The following MCTP1 variants were observed in gnomAD, a reference collection of about 807,000 sequenced individuals.
MCTP1 encodes the protein multiple C2 and transmembrane domain containing 1, also known as multiple C2 and transmembrane domain-containing protein 1.
A neutral mutation model predicts 120.6 loss-of-function variants in MCTP1; 69 were observed. The ratio of observed to expected loss-of-function variants is 0.57; its 90% CI spans 0.47 to 0.70. The LOEUF (loss-of-function observed/expected upper bound fraction) is 0.70. Ranked by LOEUF, MCTP1 falls within the 30% of genes least tolerant of loss-of-function variation. The pLI is 0.00. For missense variants in MCTP1, 1,203 were observed against 1,248.8 expected, an observed-to-expected ratio of 0.96 and a Z score of 0.55; for synonymous variants, 529 against 493.1, an observed-to-expected ratio of 1.07 and a Z score of -0.96.
At chr5:95,258,110 G>A (rs905866028) in intron 1 of MCTP1, among the ~76,000 whole-genome samples, 4 of 152,184 alleles carry the variant, frequency 2.6e-5, no homozygotes, top group Admixed American at 1.3e-4. Context: ...GCTGTGCACA[G>A]TGACTTCCCT....
intron 12 of MCTP1, among the ~76,000 whole-genome samples, chr5:94,888,099 G>A (rs1801738922): frequency 6.6e-6 from 1 of 152,072 alleles, no homozygotes; most frequent in African/African-American, 2.4e-5. Flanking sequence ...CCTATTTATT[G>A]TCTAACTTGA....
intron 1 of MCTP1, among the ~76,000 whole-genome samples, chr5:95,132,176 T>A (rs535295970): frequency 4.8e-4 from 73 of 152,328 alleles, no homozygotes; most frequent in African/African-American, 1.7e-3. Context: ...AAATCTCTCA[T>A]TACAGTCACC....
intron 1 of MCTP1, among the ~76,000 whole-genome samples, chr5:95,137,107 C>A (rs1248874060): frequency 3.3e-5 from 5 of 152,186 alleles, no homozygotes; most frequent in African/African-American, 1.2e-4. Context: ...ATGCCCCCTG[C>A]TTACCTTCAG....
At chr5:94,719,128 A>T (rs1049238830) in intron 19 of MCTP1, among the ~76,000 whole-genome samples, 1 of 152,258 alleles carries the variant, frequency 6.6e-6, no homozygotes, top group African/African-American at 2.4e-5. Flanking sequence ...CATGCCAGTC[A>T]GAATGGCTAT....
At chr5:95,270,309 G>A (rs145206736) in intron 1 of MCTP1, among the ~76,000 whole-genome samples, 1 of 152,238 alleles carries the variant, frequency 6.6e-6, no homozygotes, top group East Asian at 1.9e-4. Flanking sequence ...GTATAACTTT[G>A]GGCAAGTCAG....
chr5:95,122,476 TTA>T (rs1402658417), intron 1 of MCTP1, among the ~76,000 whole-genome samples: 2 of 152,114 alleles, frequency 1.3e-5, no homozygotes, highest in African/African-American at 4.8e-5. Flanking sequence ...TTAAAATGGC[TTA>T]TATCCAAAAG....
At chr5:95,278,497 G>A (rs76483006) in intron 1 of MCTP1, among the ~76,000 whole-genome samples, 2,062 of 152,036 alleles carry the variant, frequency 0.014, 48 homozygotes, top group African/African-American at 0.046. Context: ...TATCTACTTC[G>A]TTCACATTAA....
chr5:94,867,418 T>TG (rs1339396435), intron 17 of MCTP1: 1 of 1,144,530 alleles, frequency 8.7e-7, no homozygotes, highest in Non-Finnish European at 1.3e-6. Context: ...ACTAAACAGA[T>TG]GTGCATACAC....
Position 95,284,210 on chromosome 5 carries a change from G to T in MCTP1, c.366C>A (p.Arg122=). The change falls in exon 1 of 23, where the codon CGC becomes CGA. Residue 122 remains arginine (R), a synonymous_variant. Coordinates refer to ENST00000515393, the MANE Select transcript of MCTP1 (RefSeq NM_024717.7). This position sits in a 1 kb window ranked among gnomAD's most constrained non-coding sequence, Gnocchi z 5.2. ...GGAGCAAATGCTCGCGGATCCGGCG[G>T]CGTAGCGTGGACCCCTGCTCGGCTC... ...AGRAEQGSTL[R]RRIREHLLPA... 1 of 1,571,000 alleles carries T rather than the reference G, an allele frequency of 6.4e-7. No homozygotes were observed. The highest frequency in any genetic ancestry group is 8.6e-7 in the Non-Finnish European group (1 of 1,163,214).
Position 95,174,506 on chromosome 5 carries a change from T to C in MCTP1, c.720+109350A>G, listed in dbSNP as rs534316014. On this transcript the variant is annotated intron_variant, in intron 1 of 22. Coordinates refer to ENST00000515393, the MANE Select transcript of MCTP1 (RefSeq NM_024717.7). Reference sequence around the variant, plus strand: ...GAAATTATTTCTTAGCCCAGAATTATTAATCAAATGGTGAGGTAGAATAGA... The same window carrying C: ...GAAATTATTTCTTAGCCCAGAATTACTAATCAAATGGTGAGGTAGAATAGA... Among the ~76,000 whole-genome samples, 63 of 152,350 alleles carry C rather than the reference T, an allele frequency of 4.1e-4. No homozygotes were observed. The South Asian group carries it at 6.8e-3, about 17-fold the overall frequency.
At chr5:94,924,100 T>A in intron 6 of MCTP1, 79 bp from the exon 7 acceptor site, 1 of 866,228 alleles carries the variant, frequency 1.2e-6, no homozygotes, top group East Asian at 3.1e-5. Context: ...ACAAATAAAA[T>A]CAAAGCAAAT....
rs1356879870 is a variant in MCTP1, at chr5:94,705,933, T to G, written c.*1563A>C. On this transcript the variant is annotated 3_prime_UTR_variant, in exon 23 of 23. Coordinates refer to ENST00000515393, the MANE Select transcript of MCTP1 (RefSeq NM_024717.7). ...TCAAAGCCTTTCTGTAGAAAGGGAA[T>G]TTAATTGACATTCAAGCATAGTATA... 1 of 151,708 alleles carries G rather than the reference T, an allele frequency of 6.6e-6. No homozygotes were observed. The highest frequency in any genetic ancestry group is 2.1e-4 in the South Asian group (1 of 4,814). The allele number at this position is 151,708 out of a possible 1,614,324, so 9.4% of individuals were successfully genotyped here.
chr5:95,236,035 CAATT>C (rs1755509839), intron 1 of MCTP1, among the ~76,000 whole-genome samples: 1 of 152,132 alleles, frequency 6.6e-6, no homozygotes, highest in Admixed American at 6.5e-5. Context: ...AACAAGCTCC[CAATT>C]AATTCTAAAC....
At chr5:95,182,940 C>T (rs1042369120) in intron 1 of MCTP1, among the ~76,000 whole-genome samples, 7 of 150,800 alleles carry the variant, frequency 4.6e-5, no homozygotes, top group South Asian at 2.1e-4. Context: ...GCAGGAGAAT[C>T]GCTTGAACCT....
intron 1 of MCTP1, among the ~76,000 whole-genome samples, chr5:95,245,148 C>T (rs540239381): frequency 6.6e-6 from 1 of 152,114 alleles, no homozygotes; most frequent in Admixed American, 6.5e-5. Context: ...ACATCCACAC[C>T]AAAACCCCAT....
chr5:95,171,971 G>T (rs1166480361), intron 1 of MCTP1, among the ~76,000 whole-genome samples: 2 of 152,164 alleles, frequency 1.3e-5, no homozygotes, highest in African/African-American at 2.4e-5. Context: ...TTCCTTTAAA[G>T]GGGGAGAGGT....
chr5:94,860,523 A>T (rs1052460753), intron 17 of MCTP1, among the ~76,000 whole-genome samples: 1 of 151,794 alleles, frequency 6.6e-6, no homozygotes, highest in Non-Finnish European at 1.5e-5. Context: ...GGACTATAAT[A>T]TAGTTAATAA....
intron 1 of MCTP1, among the ~76,000 whole-genome samples, chr5:95,074,508 C>T (rs1258421316): frequency 6.6e-6 from 1 of 152,082 alleles, no homozygotes; most frequent in Non-Finnish European, 1.5e-5. Context: ...TACATTTTTG[C>T]TAATACAATA....
intron 17 of MCTP1, among the ~76,000 whole-genome samples, chr5:94,821,116 T>C (rs1034725112): frequency 6.6e-6 from 1 of 152,102 alleles, no homozygotes; most frequent in Non-Finnish European, 1.5e-5. Context: ...AGTGCTAGAG[T>C]TGCTTTGACG....
Sources: allele counts gnomAD v4.1 joint callset (sites outside exome capture counted in the v4.1 genomes callset), GRCh38; gene constraint gnomAD v4.1.1; non-coding constraint Gnocchi (gnomAD v3.1); transcripts MANE v1.5; gene names NCBI Gene and HGNC (gene_info 2026-07-23, HGNC 2026-07-21).